Variants in USP46 observed in about 807,000 individuals in gnomAD.
USP46 encodes ubiquitin specific peptidase 46, also known as ubiquitin carboxyl-terminal hydrolase 46.
USP46 carries 12 observed loss-of-function variants against 44.4 expected under a neutral mutation model. The observed-to-expected ratio is 0.27, with a 90% CI of 0.17 to 0.44. USP46 has a LOEUF of 0.44. Among genes scored for constraint, USP46 ranks in the 20% least tolerant of loss-of-function variants. The probability of loss-of-function intolerance (pLI) is 1.00; values close to 1 mark genes in which losing one functional copy is unlikely to be tolerated. For synonymous variants in USP46, 155 were observed against 161.5 expected, an observed-to-expected ratio of 0.96 and a Z score of 0.31; for missense variants, 248 against 444.8, an observed-to-expected ratio of 0.56 and a Z score of 3.98.
intron 1 of USP46, among the ~76,000 whole-genome samples, chr4:52,647,549 A>G (rs1345191251): frequency 6.6e-6 from 1 of 152,230 alleles, no homozygotes; most frequent in Non-Finnish European, 1.5e-5. Context: ...GTATAAGCTC[A>G]TTCAAAGACA....
At chr4:52,620,854 A>C (rs533638842) in intron 4 of USP46, among the ~76,000 whole-genome samples, 1 of 152,372 alleles carries the variant, frequency 6.6e-6, no homozygotes, top group Admixed American at 6.5e-5. Context: ...ATTGCCCCAA[A>C]CTGGCAATAG....
intron 2 of USP46, chr4:52,629,756 A>G: frequency 4.4e-6 from 2 of 456,224 alleles, no homozygotes; most frequent in South Asian, 3.1e-5. Flanking sequence ...AGGGTTTTAA[A>G]TAGGCGCTCT....
intron 8 of USP46, 72 bp downstream of exon 8, chr4:52,598,556 T>C (rs977142436): frequency 2.1e-6 from 3 of 1,440,344 alleles, no homozygotes; most frequent in African/African-American, 1.4e-5. Context: ...TTTTAGAAAA[T>C]GTCTATACAT....
intron 4 of USP46, among the ~76,000 whole-genome samples, chr4:52,613,263 C>A (rs930407010): frequency 6.6e-6 from 1 of 152,148 alleles, no homozygotes; most frequent in Non-Finnish European, 1.5e-5. Context: ...ATGTGGCTGA[C>A]CCCTGATCCA....
chr4:52,600,439 G>A (rs1716425323), intron 7 of USP46, among the ~76,000 whole-genome samples: 1 of 152,154 alleles, frequency 6.6e-6, no homozygotes, highest in Non-Finnish European at 1.5e-5. Flanking sequence ...TGCTACTTCT[G>A]TGGGGAGGAG....
At chr4:52,620,673 C>T (rs1717343634) in intron 4 of USP46, among the ~76,000 whole-genome samples, 2 of 152,190 alleles carry the variant, frequency 1.3e-5, no homozygotes, top group Admixed American at 1.3e-4. Context: ...CGCTCATATA[C>T]TCAGTGTGTA....
chr4:52,603,203 C>CA (rs1255734059), intron 6 of USP46, among the ~76,000 whole-genome samples: 1 of 152,124 alleles, frequency 6.6e-6, no homozygotes, highest in African/African-American at 2.4e-5. Flanking sequence ...CAGGGCTGAA[C>CA]AAAAAATGTC....
chr4:52,626,589 C>A (rs1717595561), intron 3 of USP46, among the ~76,000 whole-genome samples: 1 of 152,070 alleles, frequency 6.6e-6, no homozygotes. Flanking sequence ...TCCCAAAGTG[C>A]CGGGATTACA....
At position 52,594,478 on chromosome 4, in the gene USP46, C is replaced by T. The variant is rs2109584815; in HGVS notation, c.*3162G>A. 6.6e-6 allele frequency: 1 copy of T among 152,210 alleles called. No homozygotes were observed. Among genetic ancestry groups the T allele is most frequent in the African/African-American group, 2.4e-5 (1 of 41,544 alleles). The allele number at this position is 152,210 out of a possible 1,614,324, so 9.4% of individuals were successfully genotyped here. On this transcript the variant is annotated 3_prime_UTR_variant, in exon 9 of 9. Coordinates refer to ENST00000441222, the MANE Select transcript of USP46 (RefSeq NM_022832.4). ...AAAGTAGGAAATAATTTTCCCTGAC[C>T]CATGCCACTTACATGAGTTCATTAC...
chr4:52,619,300 G>GA (rs552779210), intron 4 of USP46, among the ~76,000 whole-genome samples: 20,374 of 135,060 alleles, frequency 0.15, 1,394 homozygotes, highest in African/African-American at 0.2. Context: ...TGAGACCCAG[G>GA]AAAAAAAAAA....
intron 6 of USP46, among the ~76,000 whole-genome samples, chr4:52,604,237 T>C (rs1176091971): frequency 2.0e-5 from 3 of 152,236 alleles, no homozygotes; most frequent in Non-Finnish European, 4.4e-5. Flanking sequence ...ATCTGGCACA[T>C]GGCAGGGCTC....
chr4:52,654,872 C>T (rs904138054), intron 1 of USP46, among the ~76,000 whole-genome samples: 1 of 152,112 alleles, frequency 6.6e-6, no homozygotes, highest in African/African-American at 2.4e-5. Context: ...TTTCATAAAG[C>T]CTTTATCTAA....
chr4:52,599,896 C>G (rs961544639), intron 7 of USP46, among the ~76,000 whole-genome samples: 3 of 152,102 alleles, frequency 2.0e-5, no homozygotes, highest in African/African-American at 7.2e-5. Context: ...TATTATGGGC[C>G]TTTGCATTGC....
chr4:52,628,312 T>A, intron 2 of USP46, 149 bp from the exon 3 acceptor site: 1 of 673,754 alleles, frequency 1.5e-6, no homozygotes, highest in Non-Finnish European at 2.5e-6. Flanking sequence ...GAAAACTAGT[T>A]AACTACTCTA....
chr4:52,607,652 G>A (rs1425775213), intron 5 of USP46, among the ~76,000 whole-genome samples: 1 of 152,246 alleles, frequency 6.6e-6, no homozygotes, highest in East Asian at 1.9e-4. Flanking sequence ...GATCACGGGG[G>A]CAGAATTCTC....
chr4:52,623,150 C>A (rs997019888), intron 4 of USP46, among the ~76,000 whole-genome samples: 1 of 151,958 alleles, frequency 6.6e-6, no homozygotes, highest in African/African-American at 2.4e-5. Flanking sequence ...AGAAAAGTAT[C>A]TTAAGGGAGA....
In USP46 at chr4:52,592,881, C is replaced by T. The variant is rs1295677168; in HGVS notation, c.*4759G>A. ...AAAGTGTGTAACCCCTCCCCCTTTG[C>T]TCTCTTCCTCTTGCTCCTGCCATGT... On this transcript the variant is annotated 3_prime_UTR_variant, in exon 9 of 9. Transcript: ENST00000441222. 2 of 398,280 alleles carry T rather than the reference C, an allele frequency of 5.0e-6. No homozygotes were observed. The highest frequency in any genetic ancestry group is 8.8e-6 in the Non-Finnish European group (2 of 226,134). The allele number at this position is 398,280 out of a possible 1,614,324, so 24.7% of individuals were successfully genotyped here.
intron 1 of USP46, among the ~76,000 whole-genome samples, chr4:52,634,467 C>T (rs1577685706): frequency 6.8e-6 from 1 of 146,646 alleles, no homozygotes; most frequent in Middle Eastern, 3.5e-3. Flanking sequence ...TGAGATCACG[C>T]CATTGCACTC....
In USP46 at chr4:52,647,154, A is replaced by G. The variant is rs114355989; in HGVS notation, c.36+11961T>C. 2.7e-3 allele frequency among the ~76,000 whole-genome samples: 414 copies of G among 152,354 alleles called. 1 individual carries two copies. The highest frequency in any genetic ancestry group is 9.7e-3 in the African/African-American group (404 of 41,582). ...AGTGAATACTCTGCAGCCATAAAAA[A>G]AGAATGAGGTGGCTCTTCCCACAGA... On this transcript the variant is annotated intron_variant, in intron 1 of 8. Transcript: ENST00000441222.
Sources: gnomAD v4.1 joint callset for allele counts (sites outside exome capture counted in the v4.1 genomes callset) on GRCh38, gnomAD v4.1.1 for gene constraint, MANE v1.5 for transcripts, NCBI Gene and HGNC (gene_info 2026-07-23, HGNC 2026-07-21) for gene names.